The following LDOC1 variants were observed in gnomAD, a reference collection of about 807,000 sequenced individuals.
LDOC1 encodes the protein LDOC1 regulator of NFKB signaling.
LDOC1 carries 1 observed loss-of-function variant against 4.9 expected under a neutral mutation model. The ratio of observed to expected loss-of-function variants is 0.20; its 90% confidence interval spans 0.07 to 0.96. LDOC1 has a LOEUF of 0.96. Ranked by LOEUF, LDOC1 falls within the 40% of genes least tolerant of loss-of-function variation. LDOC1 has a pLI of 0.62. For synonymous variants in LDOC1, 55 were observed against 58.3 expected, an observed-to-expected ratio of 0.94 and a Z score of 0.26; for missense variants, 76 against 128.1, an observed-to-expected ratio of 0.59 and a Z score of 1.96.
In LDOC1 at chrX:141,176,358, T is replaced by C. The variant is rs930037235; in HGVS notation, c.*223A>G. 5.8e-5 allele frequency: 26 copies of C among 451,437 alleles called. No individual in the cohort carries two copies. The Admixed American group carries it at 1.0e-3, about 18-fold the overall frequency. The allele number at this position is 451,437 out of a possible 1,213,427, so 37.2% of individuals were successfully genotyped here. A position where few individuals can be genotyped will look rare whatever the true frequency, so the allele number is the denominator to read the frequency against. ...GATGACACTTCCAAGCACTTCCGAG[T>C]GAGTGAGGCTCCAGCCCCGACCCCA... is the stretch of plus-strand genomic sequence containing the variant. On this transcript the variant is annotated 3_prime_UTR_variant, in exon 1 of 1. Transcript: ENST00000370526.
Position 141,173,485 on chromosome X carries a change from T to C in LDOC1, c.*3096A>G, listed in dbSNP as rs782584862. The C allele has an allele frequency of 8.9e-6, 1 of 111,732 alleles. No homozygotes were observed. Among genetic ancestry groups the C allele is most frequent in the Non-Finnish European group, 1.9e-5 (1 of 53,216 alleles). 9.2% of individuals were successfully genotyped at this position (111,732 alleles called of 1,213,427 possible). Reference sequence around the variant, plus strand: ...CATGCTTTATGCCATTATCATGAATTCCTCCCTGGGTGGTGGAGCCCTTGC... The same window carrying C: ...CATGCTTTATGCCATTATCATGAATCCCTCCCTGGGTGGTGGAGCCCTTGC... On this transcript the variant is annotated 3_prime_UTR_variant, in exon 1 of 1. Transcript: ENST00000370526.
At position 141,174,365 on chromosome X, in the gene LDOC1, T is replaced by C. The variant is rs1379485254; in HGVS notation, c.*2216A>G. Among the ~76,000 whole-genome samples the C allele has an allele frequency of 2.7e-5, 3 of 111,446 alleles. No homozygotes were observed. The highest frequency in any genetic ancestry group is 3.8e-5 in the Non-Finnish European group (2 of 53,075). Reference sequence around the variant, plus strand: ...CCCCACCCTCCAGAAACAGCTATCCTAGGGGTGAGATATAACTCCTACCCT... The same window carrying C: ...CCCCACCCTCCAGAAACAGCTATCCCAGGGGTGAGATATAACTCCTACCCT... On this transcript the variant is annotated 3_prime_UTR_variant, in exon 1 of 1. Coordinates refer to ENST00000370526, the MANE Select transcript of LDOC1 (RefSeq NM_012317.4).
At position 141,176,905 on chromosome X, in the gene LDOC1, G is replaced by A; in HGVS notation, c.117C>T (p.Ser39=). 8.3e-7 allele frequency: 1 copy of A among 1,211,658 alleles called. No individual in the cohort carries two copies. Among genetic ancestry groups the A allele is most frequent in the Non-Finnish European group, 1.1e-6 (1 of 895,484 alleles). The change falls in exon 1 of 1, where the codon AGC becomes AGT. Residue 39 remains serine, a synonymous_variant. Coordinates refer to ENST00000370526, the MANE Select transcript of LDOC1 (RefSeq NM_012317.4). ...QLRLLVCERA[S]LLRQVRPPSC... Reference sequence around the variant, plus strand: ...TCGGCGGACGTACCTGGCGCAGCAGGCTGGCCCTCTCGCACACCAGCAGCC... The same window carrying A: ...TCGGCGGACGTACCTGGCGCAGCAGACTGGCCCTCTCGCACACCAGCAGCC...
chrX:141,175,865 C>T lies in LDOC1; in HGVS notation c.*716G>A, dbSNP rs1556283143. The T allele has an allele frequency of 8.9e-6, 1 of 112,776 alleles. No homozygotes were observed. The highest frequency in any genetic ancestry group is 3.2e-5 in the African/African-American group (1 of 30,924). 9.3% of individuals were successfully genotyped at this position (112,776 alleles called of 1,213,427 possible). A position where few individuals can be genotyped will look rare whatever the true frequency, so the allele number is the denominator to read the frequency against. On this transcript the variant is annotated 3_prime_UTR_variant, in exon 1 of 1. Coordinates refer to ENST00000370526, the MANE Select transcript of LDOC1 (RefSeq NM_012317.4). ...TTTAAGTACTATTTGTCCAAATGCA[C>T]ACATCTGTGGGACTGCTGCAATTTT...
rs918629607 is a variant in LDOC1 at position 141,176,355 on chromosome X, G to A, written c.*226C>T. The A allele has an allele frequency of 8.9e-6, 4 of 451,935 alleles. No individual in the cohort carries two copies. The East Asian group carries it at 1.1e-4, about 13-fold the overall frequency. 37.2% of individuals were successfully genotyped at this position (451,935 alleles called of 1,213,427 possible). A position where few individuals can be genotyped will look rare whatever the true frequency, so the allele number is the denominator to read the frequency against. Reference sequence around the variant, plus strand: ...GTAGATGACACTTCCAAGCACTTCCGAGTGAGTGAGGCTCCAGCCCCGACC... The same window carrying A: ...GTAGATGACACTTCCAAGCACTTCCAAGTGAGTGAGGCTCCAGCCCCGACC... On this transcript the variant is annotated 3_prime_UTR_variant, in exon 1 of 1. Transcript: ENST00000370526.
rs1479117884 is a variant in LDOC1 at position 141,173,286 on chromosome X, A to C, written c.*3295T>G. Reference sequence around the variant, plus strand: ...ATGATTACGACATTTAATATGACTAATTTCATTTCATTGATAGTATAATTT... The same window carrying C: ...ATGATTACGACATTTAATATGACTACTTTCATTTCATTGATAGTATAATTT... On this transcript the variant is annotated 3_prime_UTR_variant, in exon 1 of 1. Coordinates refer to ENST00000370526, the MANE Select transcript of LDOC1 (RefSeq NM_012317.4). 8.9e-6 allele frequency: 1 copy of C among 111,757 alleles called. No homozygotes were observed. The highest frequency in any genetic ancestry group is 1.9e-5 in the Non-Finnish European group (1 of 53,196). The allele number at this position is 111,757 out of a possible 1,213,427, so 9.2% of individuals were successfully genotyped here. A position where few individuals can be genotyped will look rare whatever the true frequency, so the allele number is the denominator to read the frequency against.
At position 141,174,650 on chromosome X, in the gene LDOC1, A is replaced by G. The variant is rs1266735434; in HGVS notation, c.*1931T>C. ...TAGCAGGGAAAGTTCTAAATGCTTCATGGGTATGATCTCATTTAATCCGCA... is the reference window on the plus strand; with the variant it reads ...TAGCAGGGAAAGTTCTAAATGCTTCGTGGGTATGATCTCATTTAATCCGCA... On this transcript the variant is annotated 3_prime_UTR_variant, in exon 1 of 1. Coordinates refer to ENST00000370526, the MANE Select transcript of LDOC1 (RefSeq NM_012317.4). Among the ~76,000 whole-genome samples the G allele has an allele frequency of 8.9e-6, 1 of 112,014 alleles. No individual in the cohort carries two copies. Among genetic ancestry groups the G allele is most frequent in the Non-Finnish European group, 1.9e-5 (1 of 53,230 alleles).
rs2013608227 is a variant in LDOC1, at chrX:141,175,748, C to CT, written c.*832dup. ...CTTAACCATTAAAAGACAATCATTT[C>CT]TTTTTTTAGTGCTTGATATTTATTG... is the stretch of plus-strand genomic sequence containing the variant. On this transcript the variant is annotated 3_prime_UTR_variant, in exon 1 of 1. Transcript: ENST00000370526. The CT allele has an allele frequency of 8.9e-6, 1 of 112,489 alleles. No homozygotes were observed. Among genetic ancestry groups the CT allele is most frequent in the Non-Finnish European group, 1.9e-5 (1 of 53,241 alleles). The allele number at this position is 112,489 out of a possible 1,213,427, so 9.3% of individuals were successfully genotyped here.
chrX:141,176,383 A>G lies in LDOC1; in HGVS notation c.*198T>C, dbSNP rs2013615085. Reference sequence around the variant, plus strand: ...TGAGTGAGGCTCCAGCCCCGACCCCAGCAGCAGGTAACTGGAGCGCTATTC... The same window carrying G: ...TGAGTGAGGCTCCAGCCCCGACCCCGGCAGCAGGTAACTGGAGCGCTATTC... On this transcript the variant is annotated 3_prime_UTR_variant, in exon 1 of 1. Coordinates refer to ENST00000370526, the MANE Select transcript of LDOC1 (RefSeq NM_012317.4). 3.8e-6 allele frequency: 2 copies of G among 520,631 alleles called. No individual in the cohort carries two copies. Among genetic ancestry groups the G allele is most frequent in the Non-Finnish European group, 6.1e-6 (2 of 327,419 alleles). The allele number at this position is 520,631 out of a possible 1,213,427, so 42.9% of individuals were successfully genotyped here. A position where few individuals can be genotyped will look rare whatever the true frequency, so the allele number is the denominator to read the frequency against.
In LDOC1 at chrX:141,176,623, G is replaced by GTCA. The variant is rs1556283483; in HGVS notation, c.396_398dup (p.Asp134dup). On this transcript the variant is annotated inframe_insertion, in exon 1 of 1. Coordinates refer to ENST00000370526, the MANE Select transcript of LDOC1 (RefSeq NM_012317.4). ...CTTCTTCGTCGTCGTCGTCTTCGTC[G>GTCA]TCATCCCAGCCAAAGCACTGTTTCA... The GTCA allele has an allele frequency of 8.3e-7, 1 of 1,208,993 alleles. No homozygotes were observed. Among genetic ancestry groups the GTCA allele is most frequent in the African/African-American group, 1.8e-5 (1 of 57,016 alleles).
rs782479610 is a variant in LDOC1 at position 141,176,759 on chromosome X, T to C, written c.263A>G (p.Lys88Arg). The C allele has an allele frequency of 3.3e-6, 4 of 1,210,902 alleles. No individual in the cohort carries two copies. Among genetic ancestry groups the C allele is most frequent in the African/African-American group, 1.7e-5 (1 of 57,448 alleles). The change falls in exon 1 of 1, where the codon AAG (lysine) becomes AGG (arginine). Residue 88 changes from lysine (K) to arginine (R), a missense_variant. Transcript: ENST00000370526. Reference protein sequence around the residue: ...NENRFCNDAMKVAFLISLLTG... With the variant: ...NENRFCNDAMRVAFLISLLTG... ...GAGGAGGCTGATTAGGAATGCCACC[T>C]TCATGGCGTCGTTGCAGAATCGGTT...
In LDOC1 at chrX:141,176,505, C is replaced by T; in HGVS notation, c.*76G>A. On this transcript the variant is annotated 3_prime_UTR_variant, in exon 1 of 1. Transcript: ENST00000370526. ...GAGGGCAAGGGGGAGAGCAGTGGCT[C>T]CTGGCGGGGTGAGGGCTGCGGGGAG... The T allele has an allele frequency of 8.9e-7, 1 of 1,128,286 alleles. No homozygotes were observed. The highest frequency in any genetic ancestry group is 1.2e-6 in the Non-Finnish European group (1 of 852,672). 93.0% of individuals were successfully genotyped at this position (1,128,286 alleles called of 1,213,427 possible).
chrX:141,176,894 T>C lies in LDOC1; in HGVS notation c.128A>G (p.Gln43Arg), dbSNP rs782366727. ...CACCGGGCAGCTCGGCGGACGTACC[T>C]GGCGCAGCAGGCTGGCCCTCTCGCA... ...LVCERASLLR[Q>R]VRPPSCPVPF... is the part of the protein sequence containing the mutation. Residue 43 changes from glutamine (Q) to arginine (R), a missense_variant, in exon 1 of 1, where the codon CAG becomes CGG. By Grantham distance (43) the Gln-to-Arg change is conservative. Transcript: ENST00000370526. 8.3e-7 allele frequency: 1 copy of C among 1,211,836 alleles called. No homozygotes were observed. Among genetic ancestry groups the C allele is most frequent in the Admixed American group, 2.2e-5 (1 of 46,154 alleles).
At position 141,176,200 on chromosome X, in the gene LDOC1, C is replaced by CTGGCAGCAGGGCAGG. The variant is rs1254619174; in HGVS notation, c.*366_*380dup. ...CATAGTTCTCTGGGAAGATGTAAGC[C>CTGGCAGCAGGGCAGG]TGGCAGCAGGGCAGGTGGCAGCAGC... On this transcript the variant is annotated 3_prime_UTR_variant, in exon 1 of 1. Coordinates refer to ENST00000370526, the MANE Select transcript of LDOC1 (RefSeq NM_012317.4). 1.8e-5 allele frequency: 4 copies of CTGGCAGCAGGGCAGG among 218,505 alleles called. No homozygotes were observed. The highest frequency in any genetic ancestry group is 1.1e-4 in the African/African-American group (4 of 35,538). 18.0% of individuals were successfully genotyped at this position (218,505 alleles called of 1,213,427 possible). A position where few individuals can be genotyped will look rare whatever the true frequency, so the allele number is the denominator to read the frequency against.
chrX:141,174,785 G>A lies in LDOC1; in HGVS notation c.*1796C>T, dbSNP rs2013599331. 1.8e-5 allele frequency among the ~76,000 whole-genome samples: 2 copies of A among 112,320 alleles called. No individual in the cohort carries two copies. The highest frequency in any genetic ancestry group is 7.4e-4 in the South Asian group (2 of 2,720). ...AAGGCCTTAAACAGTACGGAAATGT[G>A]TTATCTAAATTAATTAAAGGTTATA... is the stretch of plus-strand genomic sequence containing the variant. On this transcript the variant is annotated 3_prime_UTR_variant, in exon 1 of 1. Coordinates refer to ENST00000370526, the MANE Select transcript of LDOC1 (RefSeq NM_012317.4).
Position 141,176,066 on chromosome X carries a change from A to G in LDOC1, c.*515T>C, listed in dbSNP as rs1602710870. ...CCTTCAGGGGTTGGTGAGCTGTCCA[A>G]ATCAATGTCTGAAAAGGCATAGCCA... On this transcript the variant is annotated 3_prime_UTR_variant, in exon 1 of 1. Transcript: ENST00000370526. 7.9e-6 allele frequency: 1 copy of G among 126,677 alleles called. No homozygotes were observed. Among genetic ancestry groups the G allele is most frequent in the East Asian group, 2.1e-4 (1 of 4,704 alleles). 10.4% of individuals were successfully genotyped at this position (126,677 alleles called of 1,213,427 possible).
rs782245422 is a variant in LDOC1, at chrX:141,176,007, G to C, written c.*574C>G. On this transcript the variant is annotated 3_prime_UTR_variant, in exon 1 of 1. Transcript: ENST00000370526. The stretch of plus-strand genomic sequence containing the variant: ...TCTGGTGGGGCAGGGGAGGACACTC[G>C]GAGTAGGTAGAAAACTAACCAGGCT... 58 of 115,525 alleles carry C rather than the reference G, an allele frequency of 5.0e-4. 1 individual carries two copies. The highest frequency in any genetic ancestry group is 9.8e-4 in the Non-Finnish European group (54 of 54,994). 9.5% of individuals were successfully genotyped at this position (115,525 alleles called of 1,213,427 possible).
rs1556283503 is a variant in LDOC1 at position 141,176,670 on chromosome X, A to C, written c.352T>G (p.Tyr118Asp). 5.0e-6 allele frequency: 6 copies of C among 1,210,288 alleles called. No individual in the cohort carries two copies. Among genetic ancestry groups the C allele is most frequent in the Non-Finnish European group, 1.1e-6 (1 of 895,182 alleles). The change falls in exon 1 of 1, where the codon TAC becomes GAC. Residue 118 changes from tyrosine (Y) to aspartate (D), a missense_variant. Coordinates refer to ENST00000370526, the MANE Select transcript of LDOC1 (RefSeq NM_012317.4). ...TTCATCTCATCGAGGAAGGCCCGGT[A>C]ATCACCTAGGATGGGGCTATCCATC... The part of the protein sequence containing the change: ...IEMDSPILGD[Y>D]RAFLDEMKQC...
rs782468912 is a variant in LDOC1, at chrX:141,176,531, G to C, written c.*50C>G. The C allele has an allele frequency of 8.7e-7, 1 of 1,154,728 alleles. No individual in the cohort carries two copies. On this transcript the variant is annotated 3_prime_UTR_variant, in exon 1 of 1. Transcript: ENST00000370526. ...CTGGCGGGGTGAGGGCTGCGGGGAG[G>C]GGGTGGCGGCGTGCAGGGCCCTCCC... is the stretch of plus-strand genomic sequence containing the variant.
Sources: allele counts gnomAD v4.1 joint callset (sites outside exome capture counted in the v4.1 genomes callset), GRCh38; gene constraint gnomAD v4.1.1; transcripts MANE v1.5; gene names NCBI Gene and HGNC (gene_info 2026-07-23, HGNC 2026-07-21).